The following SLC9D1 variants were observed in gnomAD, a reference collection of about 807,000 sequenced individuals.
SLC9D1 encodes solute carrier family 9 member D1, also known as putative LAG1-interacting protein.
chr13:113,532,835 C>CCTA, the SLC9D1 span, among the ~76,000 whole-genome samples: 9 of 117,006 alleles, frequency 7.7e-5, no homozygotes, highest in African/African-American at 1.6e-4. Context: ...CTGCCTCCCT[C>CCTA]CTGAAGTCGC....
the SLC9D1 span, among the ~76,000 whole-genome samples, chr13:113,537,775 G>A: frequency 1.3e-5 from 2 of 152,220 alleles, no homozygotes; most frequent in Non-Finnish European, 2.9e-5. Context: ...GGTTGTGTTG[G>A]AAGTGAGGGA....
At chr13:113,511,826 C>T in the SLC9D1 span, 1 of 152,352 alleles carries the variant, frequency 6.6e-6, no homozygotes, top group African/African-American at 2.4e-5. Context: ...CTGACGGACT[C>T]AGCAGTCACA....
the SLC9D1 span, chr13:113,547,435 C>T: frequency 2.9e-6 from 4 of 1,384,742 alleles, no homozygotes; most frequent in Non-Finnish European, 4.1e-6. Flanking sequence ...CATAGCCCTC[C>T]CTGTGGCCCT....
At chr13:113,492,490 C>T in the SLC9D1 span, among the ~76,000 whole-genome samples, 1 of 151,042 alleles carries the variant, frequency 6.6e-6, no homozygotes, top group South Asian at 2.1e-4. Context: ...ATTGCACCAA[C>T]TATACATGCA....
the SLC9D1 span, among the ~76,000 whole-genome samples, chr13:113,545,244 A>G: frequency 6.6e-6 from 1 of 152,224 alleles, no homozygotes; most frequent in Non-Finnish European, 1.5e-5. Flanking sequence ...CTCAGCCTCC[A>G]AATCCACATT....
the SLC9D1 span, among the ~76,000 whole-genome samples, chr13:113,500,651 C>A: frequency 6.6e-6 from 1 of 152,202 alleles, no homozygotes; most frequent in Non-Finnish European, 1.5e-5. Flanking sequence ...CTGAGAGCAT[C>A]ATGGTTCGGG....
chr13:113,508,018 C>G, the SLC9D1 span, among the ~76,000 whole-genome samples: 926 of 152,388 alleles, frequency 6.1e-3, 9 homozygotes, highest in African/African-American at 0.021. Flanking sequence ...GTTTCTGATG[C>G]ATGCACGGGT....
chr13:113,504,046 G>A, the SLC9D1 span: 1 of 155,864 alleles, frequency 6.4e-6, no homozygotes, highest in African/African-American at 2.4e-5. Context: ...GAGGTAAAAT[G>A]AACACTGTTC....
chr13:113,495,386 A>G, the SLC9D1 span: 1 of 513,410 alleles, frequency 1.9e-6, no homozygotes, highest in Non-Finnish European at 3.4e-6. Flanking sequence ...ATATTTATCT[A>G]GGAAAAATGA....
the SLC9D1 span, among the ~76,000 whole-genome samples, chr13:113,544,050 G>T: frequency 1.3e-5 from 2 of 152,346 alleles, no homozygotes; most frequent in East Asian, 3.9e-4. Flanking sequence ...GCCTCTGTGC[G>T]TGGGACCCGA....
chr13:113,529,202 C>T, the SLC9D1 span: 1 of 152,150 alleles, frequency 6.6e-6, no homozygotes, highest in African/African-American at 2.4e-5. Flanking sequence ...TTGATCCCAC[C>T]GAAATTGTTC....
chr13:113,510,466 C>T, the SLC9D1 span: 40 of 1,570,932 alleles, frequency 2.5e-5, no homozygotes, highest in African/African-American at 2.9e-4. Context: ...AATTCATGCT[C>T]GTGTGTAGGT....
the SLC9D1 span, among the ~76,000 whole-genome samples, chr13:113,526,555 C>A: frequency 6.6e-6 from 1 of 150,872 alleles, no homozygotes; most frequent in African/African-American, 2.4e-5. Flanking sequence ...CTCATCTCTA[C>A]CAAAAAAAAA....
the SLC9D1 span, among the ~76,000 whole-genome samples, chr13:113,495,098 C>G: frequency 6.6e-6 from 1 of 152,202 alleles, no homozygotes; most frequent in Admixed American, 6.5e-5. Context: ...AGGTGATCTG[C>G]CTGCCTTGGT....
At chr13:113,525,860 G>A in the SLC9D1 span, among the ~76,000 whole-genome samples, 189 of 150,098 alleles carry the variant, frequency 1.3e-3, no homozygotes, top group Non-Finnish European at 2.0e-3. Flanking sequence ...ACAAGCCATC[G>A]TCGTCGTAGG....
chr13:113,547,650 C>T, the SLC9D1 span, among the ~76,000 whole-genome samples: 11 of 152,206 alleles, frequency 7.2e-5, no homozygotes, highest in African/African-American at 2.7e-4. Context: ...CGGGCCTTGG[C>T]TGCAGTCCAG....
chr13:113,520,865 C>A, the SLC9D1 span: 1 of 693,240 alleles, frequency 1.4e-6, no homozygotes, highest in Non-Finnish European at 2.5e-6. Context: ...GTCCCTGGAG[C>A]AACACTGCCT....
chr13:113,503,749 A>G, the SLC9D1 span: 1 of 579,136 alleles, frequency 1.7e-6, no homozygotes, highest in Non-Finnish European at 3.0e-6. Flanking sequence ...ATTCAGAAAG[A>G]TAAAAAATAT....
chr13:113,501,883 A>T, the SLC9D1 span: 1 of 1,605,060 alleles, frequency 6.2e-7, no homozygotes, highest in Non-Finnish European at 8.5e-7. Flanking sequence ...GTATTAAGGT[A>T]AGAACAAAAT....
Sources: gnomAD v4.1 joint callset for allele counts (sites outside exome capture counted in the v4.1 genomes callset) on GRCh38, gnomAD v4.1.1 for gene constraint, MANE v1.5 for transcripts, NCBI Gene and HGNC (gene_info 2026-07-23, HGNC 2026-07-21) for gene names.